LGR5: variants seen among roughly 807,000 people sequenced by gnomAD.
The protein encoded by LGR5 is leucine rich repeat containing G protein-coupled receptor 5.
LGR5 carries 54 observed loss-of-function variants against 76.7 expected under a neutral mutation model. The observed-to-expected ratio is 0.70, with a 90% confidence interval of 0.57 to 0.88. LGR5 has a LOEUF of 0.88. Ranked by LOEUF, LGR5 falls within the 40% of genes least tolerant of loss-of-function variation. LGR5 has a pLI of 0.00. For synonymous variants in LGR5, 406 were observed against 421.9 expected (o/e 0.96, Z 0.46); for missense variants, 1,078 against 1,073.3 (o/e 1.00, Z -0.06).
intron 1 of LGR5, among the ~76,000 whole-genome samples, chr12:71,461,298 G>T (rs1012645982): frequency 6.6e-6 from 1 of 152,040 alleles, no homozygotes; most frequent in African/African-American, 2.4e-5. Flanking sequence ...AATTTTTATT[G>T]AGAATGAGTT....
intron 8 of LGR5, among the ~76,000 whole-genome samples, chr12:71,565,493 C>T (rs1878301666): frequency 6.8e-6 from 1 of 146,958 alleles, no homozygotes; most frequent in Non-Finnish European, 1.5e-5. Context: ...ATATATAACA[C>T]ATACATATAT....
At chr12:71,448,084 A>ACACACACACACACACACAC (rs1872091735) in intron 1 of LGR5, among the ~76,000 whole-genome samples, 2 of 145,584 alleles carry the variant, frequency 1.4e-5, no homozygotes, top group Non-Finnish European at 3.0e-5. Flanking sequence ...CACACACACA[A>ACACACACACACACACACAC]ACACACACAC....
At chr12:71,450,138 A>G (rs1019281032) in intron 1 of LGR5, among the ~76,000 whole-genome samples, 3 of 152,176 alleles carry the variant, frequency 2.0e-5, no homozygotes, top group Non-Finnish European at 4.4e-5. Flanking sequence ...CAAAGACAGA[A>G]TTGGACTCCA....
At chr12:71,507,003 A>G (rs1443736296) in intron 2 of LGR5, among the ~76,000 whole-genome samples, 1 of 152,144 alleles carries the variant, frequency 6.6e-6, no homozygotes, top group Non-Finnish European at 1.5e-5. Flanking sequence ...AGGCTATACA[A>G]TCTTCAAAAA....
intron 1 of LGR5, among the ~76,000 whole-genome samples, chr12:71,453,416 A>T (rs1169397327): frequency 6.6e-6 from 1 of 151,898 alleles, no homozygotes; most frequent in Non-Finnish European, 1.5e-5. Flanking sequence ...GAATTTAATG[A>T]ATGACCCAGA....
rs1034543383 is a variant in LGR5 at position 71,475,506 on chromosome 12, T to A, written c.213-29108T>A. ...TGTTGATGCTTTTCAGGCCTCCTAA[T>A]GGGTCGTGTTGCAACACAAGCACTT... On this transcript the variant is annotated intron_variant, in intron 1 of 17. Coordinates refer to ENST00000266674, the MANE Select transcript of LGR5 (RefSeq NM_003667.4). Among the ~76,000 whole-genome samples the A allele has an allele frequency of 8.5e-5, 13 of 152,180 alleles. 1 individual carries two copies. The highest frequency in any genetic ancestry group is 2.7e-4 in the African/African-American group (11 of 41,444).
intron 4 of LGR5, among the ~76,000 whole-genome samples, chr12:71,548,596 T>C (rs1322238842): frequency 6.6e-6 from 1 of 152,196 alleles, no homozygotes; most frequent in Admixed American, 6.5e-5. Flanking sequence ...CTTCACATAA[T>C]AATATTTAAA....
chr12:71,580,165 TA>T, intron 15 of LGR5, 112 bp from the exon 16 acceptor site: 1 of 957,226 alleles, frequency 1.0e-6, no homozygotes, highest in Non-Finnish European at 1.6e-6. Context: ...TACTTTGGAT[TA>T]TTTATTTAGG....
At chr12:71,567,783 A>G (rs1426290049) in intron 11 of LGR5, among the ~76,000 whole-genome samples, 7 of 152,172 alleles carry the variant, frequency 4.6e-5, no homozygotes. Flanking sequence ...CAGTGACACC[A>G]CATGGTAGCC....
At chr12:71,561,162 T>C (rs527473567) in intron 7 of LGR5, among the ~76,000 whole-genome samples, 29 of 152,258 alleles carry the variant, frequency 1.9e-4, no homozygotes, top group South Asian at 1.0e-3. Flanking sequence ...ACCCCATGTG[T>C]GGCTTAGCTG....
At chr12:71,579,678 A>C (rs2137474981) in intron 15 of LGR5, among the ~76,000 whole-genome samples, 1 of 152,310 alleles carries the variant, frequency 6.6e-6, no homozygotes, top group South Asian at 2.1e-4. Flanking sequence ...TAAAATGCCC[A>C]ATTAAATTAT....
chr12:71,508,612 G>T (rs1407053496), intron 2 of LGR5, among the ~76,000 whole-genome samples: 1 of 151,924 alleles, frequency 6.6e-6, no homozygotes, highest in East Asian at 1.9e-4. Flanking sequence ...AAATTAGCTG[G>T]GTGTTGTGGC....
At chr12:71,572,786 C>T in intron 12 of LGR5, 64 bp from the exon 13 acceptor site, 4 of 1,247,658 alleles carry the variant, frequency 3.2e-6, no homozygotes, top group Non-Finnish European at 3.5e-6. Flanking sequence ...TAAAAGTTAT[C>T]TGAAGTCTGT....
chr12:71,563,126 A>ATG (rs1372880198), intron 8 of LGR5, among the ~76,000 whole-genome samples: 24 of 151,840 alleles, frequency 1.6e-4, no homozygotes, highest in Non-Finnish European at 3.1e-4. Flanking sequence ...AGCGGCGCCA[A>ATG]CCCCAACTCT....
chr12:71,524,745 A>T (rs748863585), intron 3 of LGR5, among the ~76,000 whole-genome samples: 1 of 152,182 alleles, frequency 6.6e-6, no homozygotes, highest in Non-Finnish European at 1.5e-5. Flanking sequence ...CTTTTAAAAG[A>T]GTATTTCCCT....
chr12:71,582,430 T>A, intron 16 of LGR5, 26 bp from the exon 17 acceptor site: 1 of 1,602,102 alleles, frequency 6.2e-7, no homozygotes, highest in Non-Finnish European at 8.6e-7. Flanking sequence ...TCAGAACTAA[T>A]CATTCCAGGA....
At chr12:71,476,831 A>C (rs1416727514) in intron 1 of LGR5, among the ~76,000 whole-genome samples, 2 of 152,202 alleles carry the variant, frequency 1.3e-5, no homozygotes, top group East Asian at 3.9e-4. Context: ...GCTATTTTTA[A>C]TCAGGTTGGC....
intron 2 of LGR5, among the ~76,000 whole-genome samples, chr12:71,507,396 G>A (rs1874909231): frequency 1.3e-5 from 2 of 152,042 alleles, no homozygotes; most frequent in South Asian, 4.1e-4. Context: ...TCTATAAACT[G>A]AGTTGTGTAA....
At chr12:71,494,503 C>T (rs1469041305) in intron 1 of LGR5, among the ~76,000 whole-genome samples, 1 of 151,114 alleles carries the variant, frequency 6.6e-6, no homozygotes, top group African/African-American at 2.5e-5. Context: ...CATTCTTTTC[C>T]ATTATGCCCC....
Sources: allele counts gnomAD v4.1 joint callset (sites outside exome capture counted in the v4.1 genomes callset), GRCh38; gene constraint gnomAD v4.1.1; transcripts MANE v1.5; gene names NCBI Gene and HGNC (gene_info 2026-07-23, HGNC 2026-07-21).